ADCY2: variants seen among roughly 807,000 people sequenced by gnomAD.
ADCY2 encodes adenylate cyclase 2.
In ADCY2, 31 loss-of-function variants were observed where a neutral mutation model predicts 125.2. The ratio of observed to expected loss-of-function variants is 0.25; its 90% CI spans 0.19 to 0.33. The LOEUF (loss-of-function observed/expected upper bound fraction) is 0.33. Ranked by LOEUF, ADCY2 falls within the 10% of genes least tolerant of loss-of-function variation. ADCY2 has a pLI of 1.00. For missense variants in ADCY2, 904 were observed against 1,418.2 expected, an observed-to-expected ratio of 0.64 and a Z score of 5.82; for synonymous variants, 512 against 548.4, an observed-to-expected ratio of 0.93 and a Z score of 0.93.
intron 18 of ADCY2, among the ~76,000 whole-genome samples, chr5:7,777,530 T>C (rs1316241601): frequency 2.0e-5 from 3 of 152,234 alleles, no homozygotes; most frequent in Admixed American, 2.0e-4. Context: ...ATGTGTCTTT[T>C]AGTATCCACA....
chr5:7,779,581 C>A lies in ADCY2; in HGVS notation c.2385-4784C>A, dbSNP rs111751349. Among the ~76,000 whole-genome samples, 1,147 of 152,006 alleles carry A rather than the reference C, an allele frequency of 7.5e-3. 18 individuals are homozygous for A. Among genetic ancestry groups the A allele is most frequent in the African/African-American group, 0.026 (1,066 of 41,386 alleles). On this transcript the variant is annotated intron_variant, in intron 18 of 24. Transcript: ENST00000338316. ...GCCAGCACTCCCAGTCCAACCCCCC[C>A]CCCAACACACACTTTTGTCATCTTT...
chr5:7,450,762 G>A (rs1184951080), intron 2 of ADCY2, among the ~76,000 whole-genome samples: 1 of 152,160 alleles, frequency 6.6e-6, no homozygotes, highest in Non-Finnish European at 1.5e-5. Context: ...GTAACTTTAA[G>A]TTGAAGCCAA....
chr5:7,748,519 AACACACACACACACACAC>A (rs35989915), intron 15 of ADCY2, among the ~76,000 whole-genome samples: 1 of 90,116 alleles, frequency 1.1e-5, no homozygotes, highest in Non-Finnish European at 2.3e-5. Flanking sequence ...CCCACCCTCC[AACACACACACACACACAC>A]ACACACACAC....
At chr5:7,774,134 T>A (rs1388003989) in intron 18 of ADCY2, among the ~76,000 whole-genome samples, 2 of 152,226 alleles carry the variant, frequency 1.3e-5, no homozygotes, top group African/African-American at 4.8e-5. Flanking sequence ...GGAGACCCGG[T>A]GTTAGGAACG....
intron 3 of ADCY2, among the ~76,000 whole-genome samples, chr5:7,618,874 T>C (rs1737853228): frequency 6.6e-6 from 1 of 152,172 alleles, no homozygotes; most frequent in Non-Finnish European, 1.5e-5. Flanking sequence ...TTGTTTTAAT[T>C]GGTGTATAAT....
At chr5:7,807,751 T>C (rs893472222) in intron 22 of ADCY2, among the ~76,000 whole-genome samples, 3 of 152,134 alleles carry the variant, frequency 2.0e-5, no homozygotes, top group Non-Finnish European at 2.9e-5. Flanking sequence ...CATTTTCTTC[T>C]TGTCCTCCCC....
At chr5:7,440,774 G>T (rs1444812969) in intron 2 of ADCY2, among the ~76,000 whole-genome samples, 2 of 152,144 alleles carry the variant, frequency 1.3e-5, no homozygotes, top group African/African-American at 4.8e-5. Flanking sequence ...TGATACAAAA[G>T]AAATCAATAA....
chr5:7,732,924 C>T (rs1401055858), intron 14 of ADCY2, among the ~76,000 whole-genome samples: 9 of 152,124 alleles, frequency 5.9e-5, no homozygotes, highest in Non-Finnish European at 1.3e-4. Context: ...TGGTTGACTC[C>T]TCTTTTTGGA....
intron 2 of ADCY2, among the ~76,000 whole-genome samples, chr5:7,481,049 G>A (rs546746610): frequency 1.3e-5 from 2 of 152,144 alleles, no homozygotes; most frequent in East Asian, 3.9e-4. Context: ...AGTTTTTGAG[G>A]ACCCTTTATG....
At chr5:7,650,004 C>T (rs1360121292) in intron 4 of ADCY2, among the ~76,000 whole-genome samples, 1 of 152,084 alleles carries the variant, frequency 6.6e-6, no homozygotes, top group Non-Finnish European at 1.5e-5. Flanking sequence ...TTCCTTCCCC[C>T]TTACCATCCT....
chr5:7,719,368 A>G (rs1324479662), intron 12 of ADCY2, among the ~76,000 whole-genome samples: 4 of 152,232 alleles, frequency 2.6e-5, no homozygotes, highest in Non-Finnish European at 4.4e-5. Flanking sequence ...AAATTTTTCA[A>G]ATGGAAGCTC....
intron 2 of ADCY2, among the ~76,000 whole-genome samples, chr5:7,420,321 C>G (rs112118038): frequency 1.3e-5 from 2 of 152,022 alleles, no homozygotes; most frequent in African/African-American, 4.8e-5. Context: ...TGCCACGGCA[C>G]GACTGAAGAG....
At chr5:7,631,608 C>A (rs1013014424) in intron 4 of ADCY2, among the ~76,000 whole-genome samples, 1 of 152,192 alleles carries the variant, frequency 6.6e-6, no homozygotes, top group African/African-American at 2.4e-5. Context: ...CTTTAAGCAT[C>A]CAAAATGGTA....
chr5:7,573,593 CTTTTTTTTTTTT>C (rs763347773), intron 3 of ADCY2, among the ~76,000 whole-genome samples: 1 of 86,376 alleles, frequency 1.2e-5, no homozygotes, highest in East Asian at 3.1e-4. Flanking sequence ...GGTTGATTTT[CTTTTTTTTTTTT>C]TTTTTTTTTT....
At chr5:7,666,342 C>T (rs1739725348) in intron 4 of ADCY2, among the ~76,000 whole-genome samples, 1 of 151,954 alleles carries the variant, frequency 6.6e-6, no homozygotes, top group East Asian at 2.0e-4. Context: ...GATCTCGGCT[C>T]ACTGCAAGCT....
chr5:7,752,140 C>T (rs971687444), intron 15 of ADCY2, among the ~76,000 whole-genome samples: 1 of 152,142 alleles, frequency 6.6e-6, no homozygotes. Flanking sequence ...AAAGAAGAAA[C>T]AGGTTGATTT....
intron 7 of ADCY2, among the ~76,000 whole-genome samples, chr5:7,699,070 C>CAAAAGTAA (rs1561173768): frequency 8.9e-6 from 1 of 112,548 alleles, no homozygotes. Context: ...AGTCAGGAAA[C>CAAAAGTAA]AACAGTAAGC....
chr5:7,512,359 G>T (rs986075886), intron 2 of ADCY2, among the ~76,000 whole-genome samples: 11 of 152,198 alleles, frequency 7.2e-5, no homozygotes, highest in African/African-American at 1.7e-4. Flanking sequence ...TGTAAGAAAG[G>T]CTGTTTGGAT....
chr5:7,778,825 A>G (rs1560983964), intron 18 of ADCY2, among the ~76,000 whole-genome samples: 1 of 152,250 alleles, frequency 6.6e-6, no homozygotes, highest in Non-Finnish European at 1.5e-5. Flanking sequence ...AAGAAAACCT[A>G]TCCCACACAG....
Sources: allele counts gnomAD v4.1 joint callset (sites outside exome capture counted in the v4.1 genomes callset), GRCh38; gene constraint gnomAD v4.1.1; transcripts MANE v1.5; gene names NCBI Gene and HGNC (gene_info 2026-07-23, HGNC 2026-07-21).